The following FBXL13 variants were observed in gnomAD, a reference collection of about 807,000 sequenced individuals.
FBXL13 encodes F-box and leucine rich repeat protein 13, also known as F-box and leucine-rich repeat protein 13.
FBXL13 carries 67 observed loss-of-function variants against 83.6 expected under a neutral mutation model. That is an observed-to-expected ratio of 0.80 (90% CI 0.66 to 0.98). The LOEUF (loss-of-function observed/expected upper bound fraction) is 0.98. Ranked by LOEUF, FBXL13 falls within the 50% of genes least tolerant of loss-of-function variation. The pLI, the probability that FBXL13 is intolerant of heterozygous loss-of-function variation, is 0.00. For missense variants in FBXL13, 822 were observed against 866.5 expected, an observed-to-expected ratio of 0.95 and a Z score of 0.64; for synonymous variants, 272 against 299.5, an observed-to-expected ratio of 0.91 and a Z score of 0.95.
intron 6 of FBXL13, among the ~76,000 whole-genome samples, chr7:102,986,437 G>A (rs1029527057): frequency 1.3e-5 from 2 of 152,090 alleles, no homozygotes; most frequent in Non-Finnish European, 1.5e-5. Context: ...GGCAACTGAC[G>A]ATCAAAAGAT....
At chr7:102,840,009 G>C (rs912627664) in intron 17 of FBXL13, among the ~76,000 whole-genome samples, 2 of 152,080 alleles carry the variant, frequency 1.3e-5, no homozygotes, top group African/African-American at 2.4e-5. Context: ...AGTAAATCTT[G>C]ATGGCTTACT....
intron 11 of FBXL13, among the ~76,000 whole-genome samples, chr7:102,904,959 T>C (rs557650439): frequency 9.2e-5 from 14 of 152,330 alleles, no homozygotes; most frequent in African/African-American, 1.7e-4. Context: ...TTTTATTCCA[T>C]TGTAGTCAGA....
intron 6 of FBXL13, 117 bp from the exon 8 acceptor site, chr7:102,968,234 A>T: frequency 1.6e-6 from 1 of 613,716 alleles, no homozygotes. Flanking sequence ...CGCATTAGTA[A>T]TAATAAGGTA....
intron 6 of FBXL13, among the ~76,000 whole-genome samples, chr7:102,987,358 A>G (rs61110292): frequency 0.18 from 26,963 of 152,022 alleles, 2,539 homozygotes; most frequent in African/African-American, 0.24. Context: ...CACACTCTCT[A>G]TGAAGTAAAA....
At chr7:103,073,805 A>G (rs1799295368) in intron 1 of FBXL13, among the ~76,000 whole-genome samples, 1 of 152,114 alleles carries the variant, frequency 6.6e-6, no homozygotes, top group Non-Finnish European at 1.5e-5. Context: ...CCAACCGCCT[A>G]GGAGCGTTAC....
intron 16 of FBXL13, among the ~76,000 whole-genome samples, chr7:102,861,025 A>C (rs1358247894): frequency 6.6e-6 from 1 of 151,916 alleles, no homozygotes; most frequent in Non-Finnish European, 1.5e-5. Context: ...AAATATACAT[A>C]AATTTCCCTG....
intron 8 of FBXL13, chr7:102,934,034 G>A: frequency 1.2e-6 from 2 of 1,614,058 alleles, no homozygotes; most frequent in Non-Finnish European, 1.7e-6. Flanking sequence ...AGGCCGGAGA[G>A]GCTCCAACCC....
intron 6 of FBXL13, among the ~76,000 whole-genome samples, chr7:103,016,331 G>T (rs1168302391): frequency 6.7e-6 from 1 of 149,672 alleles, no homozygotes; most frequent in Non-Finnish European, 1.5e-5. Flanking sequence ...GGGGGTGGGG[G>T]GAGGTTCCAA....
At chr7:103,062,025 C>A (rs372649141) in intron 1 of FBXL13, among the ~76,000 whole-genome samples, 57 of 99,746 alleles carry the variant, frequency 5.7e-4, no homozygotes, top group South Asian at 2.3e-3. Flanking sequence ...TCATAATTAC[C>A]AAAAAAAAAA....
At chr7:103,060,047 T>TAC (rs1563286524) in intron 1 of FBXL13, among the ~76,000 whole-genome samples, 1 of 103,168 alleles carries the variant, frequency 9.7e-6, no homozygotes, top group African/African-American at 4.2e-5. Flanking sequence ...TATATATATA[T>TAC]ATATATATAT....
At chr7:102,905,514 G>A (rs1813617992) in intron 11 of FBXL13, among the ~76,000 whole-genome samples, 1 of 152,102 alleles carries the variant, frequency 6.6e-6, no homozygotes, top group Non-Finnish European at 1.5e-5. Context: ...TATAGATGAA[G>A]TCTGTTTCTT....
intron 19 of FBXL13, among the ~76,000 whole-genome samples, chr7:102,818,670 A>G (rs982234917): frequency 6.6e-6 from 1 of 152,226 alleles, no homozygotes. Flanking sequence ...CAGGAATTTC[A>G]TACTGTGATT....
At chr7:102,877,157 T>C (rs1293978934) in intron 16 of FBXL13, among the ~76,000 whole-genome samples, 1 of 152,178 alleles carries the variant, frequency 6.6e-6, no homozygotes, top group Non-Finnish European at 1.5e-5. Flanking sequence ...AGTTAAGCCA[T>C]CTAACATATA....
chr7:103,067,834 T>C (rs1198576070), intron 1 of FBXL13, among the ~76,000 whole-genome samples: 2 of 152,238 alleles, frequency 1.3e-5, no homozygotes, highest in Admixed American at 6.5e-5. Flanking sequence ...TAAAGACATT[T>C]AGGTAATAGA....
At chr7:102,895,141 A>G (rs80285616) in intron 11 of FBXL13, among the ~76,000 whole-genome samples, 4,392 of 152,288 alleles carry the variant, frequency 0.029, 184 homozygotes, top group East Asian at 0.16. Flanking sequence ...CTTAGTGAAA[A>G]GTACAATGAT....
chr7:103,001,483 C>T (rs1256469425), intron 6 of FBXL13, among the ~76,000 whole-genome samples: 10 of 152,238 alleles, frequency 6.6e-5, no homozygotes, highest in East Asian at 5.8e-4. Context: ...GATGCCTAGA[C>T]GACTGGTAAA....
intron 2 of FBXL13, among the ~76,000 whole-genome samples, chr7:103,032,665 T>C (rs893170963): frequency 6.6e-6 from 1 of 152,226 alleles, no homozygotes; most frequent in Non-Finnish European, 1.5e-5. Flanking sequence ...TTAATGAGTA[T>C]GAGGTGTGGA....
chr7:102,873,228 C>T (rs191782540), intron 16 of FBXL13, among the ~76,000 whole-genome samples: 1 of 152,328 alleles, frequency 6.6e-6, no homozygotes, highest in Admixed American at 6.5e-5. Flanking sequence ...TGAGCAACAT[C>T]TCTATAAAGC....
chr7:102,983,422 C>CTT (rs372458751), intron 6 of FBXL13, among the ~76,000 whole-genome samples: 104 of 111,590 alleles, frequency 9.3e-4, no homozygotes, highest in African/African-American at 2.8e-3. Context: ...CTTTTTTCCC[C>CTT]TTTTTTTTTT....
Sources: gnomAD v4.1 joint callset for allele counts (sites outside exome capture counted in the v4.1 genomes callset) on GRCh38, gnomAD v4.1.1 for gene constraint, MANE v1.5 for transcripts, NCBI Gene and HGNC (gene_info 2026-07-23, HGNC 2026-07-21) for gene names.